Variants in HIPK1 observed in about 807,000 individuals in gnomAD.
The protein encoded by HIPK1 is homeodomain interacting protein kinase 1.
Under a neutral mutation model 117.1 loss-of-function variants are expected in HIPK1, and 28 were observed. The observed-to-expected ratio is 0.24, with a 90% CI of 0.18 to 0.33. The LOEUF is 0.33. HIPK1 is among the 10% of genes least tolerant of loss of function. The pLI, the probability that HIPK1 is intolerant of heterozygous loss-of-function variation, is 1.00. For missense variants in HIPK1, 1,122 were observed against 1,475.1 expected, an observed-to-expected ratio of 0.76 and a Z score of 3.92; for synonymous variants, 605 against 562.5, an observed-to-expected ratio of 1.08 and a Z score of -1.07.
At chr1:113,946,501 AT>A (rs1311892713) in intron 2 of HIPK1, among the ~76,000 whole-genome samples, 1 of 152,244 alleles carries the variant, frequency 6.6e-6, no homozygotes, top group African/African-American at 2.4e-5. Context: ...AATAAAATGA[AT>A]TATTTGGCTG....
chr1:113,945,625 G>A (rs768899239), intron 2 of HIPK1, among the ~76,000 whole-genome samples: 2 of 152,190 alleles, frequency 1.3e-5, no homozygotes, highest in African/African-American at 2.4e-5. Flanking sequence ...ACCCTTGTTG[G>A]AATCATTTGA....
intron 1 of HIPK1, among the ~76,000 whole-genome samples, chr1:113,937,004 T>C (rs1266464735): frequency 6.6e-6 from 1 of 152,248 alleles, no homozygotes; most frequent in Non-Finnish European, 1.5e-5. Flanking sequence ...CTTACACATA[T>C]ATTTTAATAG....
chr1:113,970,277 AT>A, intron 14 of HIPK1, 80 bp downstream of exon 14: 1 of 1,487,638 alleles, frequency 6.7e-7, no homozygotes, highest in Non-Finnish European at 9.3e-7. Context: ...ATCCACTTAT[AT>A]CAGTGGTAGA....
At chr1:113,968,823 C>A (rs1020146656) in intron 13 of HIPK1, among the ~76,000 whole-genome samples, 175 bp downstream of exon 13, 9 of 152,200 alleles carry the variant, frequency 5.9e-5, no homozygotes, top group Non-Finnish European at 1.3e-4. Context: ...GAGTTCAAGA[C>A]CAGCCTGGCC....
At chr1:113,936,395 T>C (rs1670250555) in intron 1 of HIPK1, among the ~76,000 whole-genome samples, 1 of 152,218 alleles carries the variant, frequency 6.6e-6, no homozygotes. Flanking sequence ...TCTTTTATTA[T>C]GTTTTTTGGG....
Position 113,973,712 on chromosome 1 carries a change from A to C in HIPK1, c.*200A>C. ...GACTGCATTGTTGTAGTCTTCCCAA[A>C]GTTTGCCCTATTTTTAAATTCATTA... On this transcript the variant is annotated 3_prime_UTR_variant, in exon 16 of 16. Transcript: ENST00000426820. 2.2e-6 allele frequency: 1 copy of C among 464,830 alleles called. No individual in the cohort carries two copies. The allele number at this position is 464,830 out of a possible 1,614,324, so 28.8% of individuals were successfully genotyped here. A position where few individuals can be genotyped will look rare whatever the true frequency, so the allele number is the denominator to read the frequency against.
At chr1:113,942,322 A>G (rs1422038488) in intron 2 of HIPK1, among the ~76,000 whole-genome samples, 1 of 150,914 alleles carries the variant, frequency 6.6e-6, no homozygotes, top group Non-Finnish European at 1.5e-5. Flanking sequence ...CAGCCTCCCA[A>G]AGTGATTAGA....
intron 1 of HIPK1, chr1:113,930,656 G>T (rs1669819463): frequency 6.6e-6 from 1 of 152,262 alleles, no homozygotes; most frequent in Non-Finnish European, 1.5e-5. Context: ...GGTCTGTGGG[G>T]AAGAGTCCCC....
chr1:113,938,927 A>ATACACAC (rs60152674), intron 1 of HIPK1, among the ~76,000 whole-genome samples: 7 of 118,420 alleles, frequency 5.9e-5, no homozygotes, highest in African/African-American at 1.3e-4. Flanking sequence ...AAAAAAAAAA[A>ATACACAC]ATACACACAC....
chr1:113,956,873 A>G (rs1157743384), intron 6 of HIPK1, 62 bp downstream of exon 6: 4 of 1,453,656 alleles, frequency 2.8e-6, no homozygotes, highest in Non-Finnish European at 3.8e-6. Context: ...CCGCCTTATC[A>G]ATGGCACTAT....
chr1:113,966,790 T>G (rs895707862), intron 11 of HIPK1, among the ~76,000 whole-genome samples: 1 of 152,090 alleles, frequency 6.6e-6, no homozygotes, highest in South Asian at 2.1e-4. Flanking sequence ...ATTAAGTTAT[T>G]ACTGACTATA....
chr1:113,942,157 C>T (rs1329478242), intron 2 of HIPK1, among the ~76,000 whole-genome samples: 2 of 151,026 alleles, frequency 1.3e-5, no homozygotes, highest in Non-Finnish European at 2.9e-5. Context: ...CTCCTGGGGT[C>T]AAGTGATTTC....
chr1:113,935,241 C>T (rs1256045819), intron 1 of HIPK1, among the ~76,000 whole-genome samples: 3 of 152,214 alleles, frequency 2.0e-5, no homozygotes, highest in South Asian at 4.1e-4. Context: ...CATGTGTTCT[C>T]GTTCTTTAGC....
chr1:113,937,335 C>G (rs1166525586), intron 1 of HIPK1, among the ~76,000 whole-genome samples: 1 of 152,058 alleles, frequency 6.6e-6, no homozygotes, highest in African/African-American at 2.4e-5. Flanking sequence ...CTGTAACATC[C>G]TTTGTCATGT....
At chr1:113,966,379 C>A (rs144022958) in intron 11 of HIPK1, 107 bp downstream of exon 11, 12,402 of 1,053,814 alleles carry the variant, frequency 0.012, 88 homozygotes, top group Non-Finnish European at 0.015. Flanking sequence ...GAAAATTTGA[C>A]ACTGTTGGAA....
chr1:113,929,656 C>A lies in HIPK1; in HGVS notation c.-3+124C>A, dbSNP rs1015108756. 4.2e-6 allele frequency: 4 copies of A among 962,198 alleles called. No homozygotes were observed. The South Asian group carries it at 4.8e-5, about 12-fold the overall frequency. The allele number at this position is 962,198 out of a possible 1,614,324, so 59.6% of individuals were successfully genotyped here. On this transcript the variant is annotated intron_variant, in intron 1 of 15. Coordinates refer to ENST00000426820, the MANE Select transcript of HIPK1 (RefSeq NM_198268.3). ...ACAACGGCGGCTGCGGAGCAAGGGG[C>A]CCGGCGGTAGCCCCGGACGGCAGCA...
chr1:113,968,571 TC>T lies in HIPK1; in HGVS notation c.2697del (p.Ser900AlafsTer4). The T allele has an allele frequency of 6.2e-7, 1 of 1,614,112 alleles. No individual in the cohort carries two copies. The highest frequency in any genetic ancestry group is 8.5e-7 in the Non-Finnish European group (1 of 1,179,960). ...QHQPIIIPDT[P>X]SPPVSVITIR... ...ATCAGCCCATCATCATTCCAGATAC[TC>T]CCAGCCCTCCTGTGAGTGTCATCAC... is the stretch of plus-strand genomic sequence containing the variant. On this transcript the variant is annotated frameshift_variant, in exon 13 of 16. Transcript: ENST00000426820. LOFTEE classifies it high-confidence loss of function.
chr1:113,967,663 A>T lies in HIPK1; in HGVS notation c.2382-103A>T, dbSNP rs1672542859. The stretch of plus-strand genomic sequence containing the variant: ...ATGGTAGGTGCTCAACTTTAAAAAA[A>T]TAAAATGCAGCTGCATTTTGGCTAA... On this transcript the variant is annotated intron_variant, in intron 11 of 15. Coordinates refer to ENST00000426820, the MANE Select transcript of HIPK1 (RefSeq NM_198268.3). 3 of 738,514 alleles carry T rather than the reference A, an allele frequency of 4.1e-6. No individual in the cohort carries two copies. The East Asian group carries it at 8.9e-5, about 22-fold the overall frequency. The allele number at this position is 738,514 out of a possible 1,614,324, so 45.7% of individuals were successfully genotyped here.
chr1:113,973,673 C>T lies in HIPK1; in HGVS notation c.*161C>T, dbSNP rs1046458612. 1 of 734,046 alleles carries T rather than the reference C, an allele frequency of 1.4e-6. No individual in the cohort carries two copies. The highest frequency in any genetic ancestry group is 2.1e-6 in the Non-Finnish European group (1 of 474,380). The allele number at this position is 734,046 out of a possible 1,614,324, so 45.5% of individuals were successfully genotyped here. A position where few individuals can be genotyped will look rare whatever the true frequency, so the allele number is the denominator to read the frequency against. ...AGCAGAAGGTTTTTCTCTGGGGGAA[C>T]CTGTCTCAGTGTTGACTGCATTGTT... On this transcript the variant is annotated 3_prime_UTR_variant, in exon 16 of 16. Coordinates refer to ENST00000426820, the MANE Select transcript of HIPK1 (RefSeq NM_198268.3).
Sources: allele counts gnomAD v4.1 joint callset (sites outside exome capture counted in the v4.1 genomes callset), GRCh38; gene constraint gnomAD v4.1.1; transcripts MANE v1.5; gene names NCBI Gene and HGNC (gene_info 2026-07-23, HGNC 2026-07-21).